Variants in COL15A1 observed in about 807,000 individuals in gnomAD.
COL15A1 encodes the protein collagen alpha-1(XV) chain.
Under a neutral mutation model 165.9 loss-of-function variants are expected in COL15A1, and 111 were observed. The observed-to-expected ratio is 0.67, with a 90% confidence interval of 0.57 to 0.78. The LOEUF is 0.78. COL15A1 is among the 30% of genes least tolerant of loss of function. COL15A1 has a pLI of 0.00. For synonymous variants in COL15A1, 659 were observed against 674.8 expected, an observed-to-expected ratio of 0.98 and a Z score of 0.36; for missense variants, 1,745 against 1,789.7, an observed-to-expected ratio of 0.98 and a Z score of 0.45.
chr9:99,025,016 T>G lies in COL15A1; in HGVS notation c.1980+17T>G. 1 of 1,611,382 alleles carries G rather than the reference T, an allele frequency of 6.2e-7. No individual in the cohort carries two copies. On this transcript the variant is annotated intron_variant, in intron 15 of 41. Transcript: ENST00000375001. ...GGGCCCCCGGTGAGCAACTGAAGTCTTCTCCCCATCTCTGTGGCTGTGGGG... is the reference window on the plus strand; with the variant it reads ...GGGCCCCCGGTGAGCAACTGAAGTCGTCTCCCCATCTCTGTGGCTGTGGGG...
At chr9:98,978,476 GGAAA>G (rs1158465700) in intron 2 of COL15A1, among the ~76,000 whole-genome samples, 4 of 152,216 alleles carry the variant, frequency 2.6e-5, no homozygotes, top group African/African-American at 9.6e-5. Flanking sequence ...GAAAGAGAGA[GGAAA>G]TAGAGGAAAA....
intron 22 of COL15A1, among the ~76,000 whole-genome samples, chr9:99,039,555 T>G (rs1027886951): frequency 6.6e-6 from 1 of 152,182 alleles, no homozygotes; most frequent in Non-Finnish European, 1.5e-5. Context: ...TTTCTGCAAG[T>G]TGGCAGAGTT....
rs201004312 is a variant in COL15A1 at position 99,049,836 on chromosome 9, T to C, written c.2863-18T>C. Reference sequence around the variant, plus strand: ...GGTGTCCTGTTGACCTCACCTCTCTTGTTCTCATTACCCACAGGCCATTTT... The same window carrying C: ...GGTGTCCTGTTGACCTCACCTCTCTCGTTCTCATTACCCACAGGCCATTTT... On this transcript the variant is annotated intron_variant, in intron 29 of 41. Coordinates refer to ENST00000375001, the MANE Select transcript of COL15A1 (RefSeq NM_001855.5). 4.0e-5 allele frequency: 65 copies of C among 1,614,094 alleles called. No individual in the cohort carries two copies. Among genetic ancestry groups the C allele is most frequent in the African/African-American group, 8.0e-5 (6 of 74,908 alleles).
At chr9:99,017,941 A>G (rs1184576783) in intron 11 of COL15A1, among the ~76,000 whole-genome samples, 1 of 152,214 alleles carries the variant, frequency 6.6e-6, no homozygotes, top group African/African-American at 2.4e-5. Flanking sequence ...AACACTGACA[A>G]TCTTGCTTCA....
rs80092571 is a variant in COL15A1, at chr9:98,966,873, A to G, written c.101-18692A>G. Among the ~76,000 whole-genome samples, 106 of 152,344 alleles carry G rather than the reference A, an allele frequency of 7.0e-4. 2 individuals carry two copies. The East Asian group carries it at 0.015, about 22-fold the overall frequency. ...TAAGCTAAATGGTGCTGGTGGGATT[A>G]CTTGTGACAACTACTGGCATTCATT... On this transcript the variant is annotated intron_variant, in intron 2 of 41. Transcript: ENST00000375001.
chr9:98,979,573 G>A (rs1429042955), intron 2 of COL15A1, among the ~76,000 whole-genome samples: 2 of 152,070 alleles, frequency 1.3e-5, no homozygotes, highest in African/African-American at 4.8e-5. Context: ...AAATGAGTTT[G>A]TTGCTGTGAT....
intron 34 of COL15A1, among the ~76,000 whole-genome samples, 196 bp downstream of exon 34, chr9:99,055,568 C>G (rs1173563976): frequency 6.6e-6 from 1 of 152,174 alleles, no homozygotes; most frequent in Admixed American, 6.5e-5. Context: ...GGTAGCTGGT[C>G]AAGGCCACAT....
At chr9:98,961,731 G>C (rs1837868924) in intron 2 of COL15A1, among the ~76,000 whole-genome samples, 1 of 152,168 alleles carries the variant, frequency 6.6e-6, no homozygotes, top group Non-Finnish European at 1.5e-5. Context: ...AAGGCCTTTG[G>C]TCTAGGTAGA....
At chr9:99,067,829 G>C (rs1479715482) in intron 40 of COL15A1, among the ~76,000 whole-genome samples, 3 of 152,126 alleles carry the variant, frequency 2.0e-5, no homozygotes, top group African/African-American at 7.2e-5. Context: ...CTCTACAAGG[G>C]ACCAGGCTGT....
chr9:98,950,824 C>T (rs1037305618), intron 2 of COL15A1, among the ~76,000 whole-genome samples: 4 of 152,164 alleles, frequency 2.6e-5, no homozygotes, highest in African/African-American at 4.8e-5. Context: ...ATGTTGGTCT[C>T]GAACTCCTGA....
chr9:98,995,372 C>T (rs1016387712), intron 5 of COL15A1, among the ~76,000 whole-genome samples: 1 of 152,126 alleles, frequency 6.6e-6, no homozygotes, highest in Admixed American at 6.5e-5. Flanking sequence ...GCCTCAGCTC[C>T]CCTAGTCCAT....
intron 36 of COL15A1, among the ~76,000 whole-genome samples, chr9:99,060,328 C>G (rs1825796454): frequency 6.7e-6 from 1 of 149,270 alleles, no homozygotes; most frequent in African/African-American, 2.5e-5. Context: ...GTGGTGAGAT[C>G]ACGGCTCACT....
Position 99,049,718 on chromosome 9 carries a change from GC to G in COL15A1, c.2828del (p.Pro943LeufsTer7), listed in dbSNP as rs1449800304. ...QGPPGLPGPPGPPGPPGAVIN... is the reference protein window; with the variant it reads ...QGPPGLPGPPXPPGPPGAVIN... ...CCACCTGGCTTACCTGGCCCTCCAG[GC>G]CCCCCTGGGCCACCTGGAGCTGTGA... On this transcript the variant is annotated frameshift_variant, in exon 29 of 42. Coordinates refer to ENST00000375001, the MANE Select transcript of COL15A1 (RefSeq NM_001855.5). LOFTEE classifies it high-confidence loss of function. The G allele has an allele frequency of 9.9e-6, 16 of 1,613,766 alleles. No homozygotes were observed. The highest frequency in any genetic ancestry group is 1.1e-5 in the Non-Finnish European group (13 of 1,180,022).
In COL15A1 at chr9:98,961,109, C is replaced by T. The variant is rs148508820; in HGVS notation, c.100+16859C>T. Reference sequence around the variant, plus strand: ...GCCCTTGGTAGAAATGGCCATTCTGCCTGTTGTAACCTGGGGGCTTTCTCA... The same window carrying T: ...GCCCTTGGTAGAAATGGCCATTCTGTCTGTTGTAACCTGGGGGCTTTCTCA... On this transcript the variant is annotated intron_variant, in intron 2 of 41. Coordinates refer to ENST00000375001, the MANE Select transcript of COL15A1 (RefSeq NM_001855.5). Among the ~76,000 whole-genome samples the T allele has an allele frequency of 1.5e-3, 233 of 152,280 alleles. 2 individuals carry two copies. The highest frequency in any genetic ancestry group is 5.5e-3 in the African/African-American group (228 of 41,554).
At chr9:99,060,258 T>TA (rs1564093668) in intron 36 of COL15A1, among the ~76,000 whole-genome samples, 9 of 139,338 alleles carry the variant, frequency 6.5e-5, no homozygotes, top group Admixed American at 1.4e-4. Context: ...ATATATATAT[T>TA]TTTTTTTTGC....
Position 98,992,631 on chromosome 9 carries a change from C to T in COL15A1, c.804+3373C>T, listed in dbSNP as rs761493033. Among the ~76,000 whole-genome samples the T allele has an allele frequency of 4.7e-4, 71 of 152,350 alleles. 1 individual carries two copies. The highest frequency in any genetic ancestry group is 2.3e-3 in the South Asian group (11 of 4,830). On this transcript the variant is annotated intron_variant, in intron 5 of 41. Transcript: ENST00000375001. ...AGGCCGAGGAGGCACTGAGGGCGAGCGAGGGCCGCCAGCACGTTGTCAATT... is the reference window on the plus strand; with the variant it reads ...AGGCCGAGGAGGCACTGAGGGCGAGTGAGGGCCGCCAGCACGTTGTCAATT...
rs1837530846 is a variant in COL15A1 at position 98,943,959 on chromosome 9, G to C, written c.-103G>C. The C allele has an allele frequency of 1.3e-6, 2 of 1,523,288 alleles. No homozygotes were observed. Among genetic ancestry groups the C allele is most frequent in the African/African-American group, 1.4e-5 (1 of 73,096 alleles). 94.4% of individuals were successfully genotyped at this position (1,523,288 alleles called of 1,614,324 possible). ...CGCCGCCTTTGTTCCCTGCAGGAAG[G>C]GCGAGCGCGGCGGCCAGCGCTCAGC... is the stretch of plus-strand genomic sequence containing the variant. On this transcript the variant is annotated 5_prime_UTR_variant, in exon 1 of 42. Transcript: ENST00000375001.
At chr9:98,966,410 G>A (rs1837957867) in intron 2 of COL15A1, among the ~76,000 whole-genome samples, 1 of 152,188 alleles carries the variant, frequency 6.6e-6, no homozygotes, top group Non-Finnish European at 1.5e-5. Flanking sequence ...TCTGCTCCTG[G>A]GATCTCCAGG....
chr9:99,005,028 G>A lies in COL15A1; in HGVS notation c.1331G>A (p.Ser444Asn). ...CTGGACCTCTCCATGTCCGCCCAGA[G>A]CCTCGGGGAAGAGGCCACTGTGGTA... ...GELDLSMSAQSLGEEATVGPS... is the reference protein window; with the variant it reads ...GELDLSMSAQNLGEEATVGPS... Residue 444 changes from serine (S) to asparagine (N), a missense_variant, in exon 9 of 42, where the codon AGC (serine) becomes AAC (asparagine). Ser to Asn is a conservative substitution (Grantham distance 46). Transcript: ENST00000375001. 2 of 1,611,460 alleles carry A rather than the reference G, an allele frequency of 1.2e-6. No homozygotes were observed. Among genetic ancestry groups the A allele is most frequent in the Non-Finnish European group, 1.7e-6 (2 of 1,178,720 alleles).
Sources: allele counts gnomAD v4.1 joint callset (sites outside exome capture counted in the v4.1 genomes callset), GRCh38; gene constraint gnomAD v4.1.1; transcripts MANE v1.5; gene names NCBI Gene and HGNC (gene_info 2026-07-23, HGNC 2026-07-21).